ABHD12: variants seen among roughly 807,000 people sequenced by gnomAD.
ABHD12 encodes abhydrolase domain containing 12, lysophospholipase, also known as lysophosphatidylserine lipase ABHD12.
In ABHD12, 43 loss-of-function variants were observed where a neutral mutation model predicts 58.3. That is an observed-to-expected ratio of 0.74 (90% CI 0.58 to 0.95). The LOEUF (loss-of-function observed/expected upper bound fraction) is 0.95. Among genes scored for constraint, ABHD12 ranks in the 40% least tolerant of loss-of-function variants. ABHD12 has a pLI of 0.00. For synonymous variants in ABHD12, 219 were observed against 211.2 expected, an observed-to-expected ratio of 1.04 and a Z score of -0.32; for missense variants, 539 against 537.2, an observed-to-expected ratio of 1.00 and a Z score of -0.03.
intron 5 of ABHD12, among the ~76,000 whole-genome samples, chr20:25,316,160 CCTTT>C (rs374614290): frequency 6.0e-5 from 9 of 150,066 alleles, no homozygotes; most frequent in Non-Finnish European, 8.9e-5. Context: ...TTTCTCTTTT[CCTTT>C]TTTTTTGTTT....
At chr20:25,389,650 CTTTATA>C (rs1245353408) in intron 1 of ABHD12, among the ~76,000 whole-genome samples, 1 of 151,314 alleles carries the variant, frequency 6.6e-6, no homozygotes, top group African/African-American at 2.4e-5. Flanking sequence ...TTGAAAGTGG[CTTTATA>C]TAAACGCATT....
Position 25,309,520 on chromosome 20 carries a change from G to A in ABHD12, c.675C>T (p.Leu225=). The part of the protein sequence containing the change: ...PSERGMTYDA[L]HVFDWIKARS... ...TTGCTTTGATCCAGTCAAAAACGTG[G>A]AGTGCGTCATAGGTCATGCCCCGCT... Residue 225 remains leucine (L), a synonymous_variant, in exon 7 of 13, where the codon CTC becomes CTT. Transcript: ENST00000339157. The A allele has an allele frequency of 1.2e-6, 2 of 1,614,236 alleles. No individual in the cohort carries two copies. Among genetic ancestry groups the A allele is most frequent in the Non-Finnish European group, 1.7e-6 (2 of 1,180,030 alleles).
chr20:25,374,153 T>C (rs1042240477), intron 1 of ABHD12, among the ~76,000 whole-genome samples: 2 of 151,942 alleles, frequency 1.3e-5, no homozygotes, highest in African/African-American at 4.8e-5. Flanking sequence ...CTCAGATTCC[T>C]GGGCTCAAGT....
intron 1 of ABHD12, among the ~76,000 whole-genome samples, chr20:25,385,847 C>CCACA (rs1600890661): frequency 6.6e-6 from 1 of 151,894 alleles, no homozygotes; most frequent in Admixed American, 6.6e-5. Context: ...ACCTGTAATC[C>CCACA]CAGCACTTTC....
chr20:25,344,430 T>C (rs1168839314), intron 1 of ABHD12, among the ~76,000 whole-genome samples: 3 of 152,192 alleles, frequency 2.0e-5, no homozygotes, highest in Non-Finnish European at 4.4e-5. Context: ...CCATTTACAT[T>C]AGCAACCCCC....
chr20:25,305,076 AG>A (rs1440529601), intron 10 of ABHD12, among the ~76,000 whole-genome samples: 2 of 152,008 alleles, frequency 1.3e-5, no homozygotes, highest in East Asian at 3.9e-4. Context: ...TCACCATGTT[AG>A]GGTGATCTTG....
chr20:25,390,473 AC>A lies in ABHD12; in HGVS notation c.191+39del. The A allele has an allele frequency of 7.1e-6, 6 of 843,612 alleles. 1 individual carries two copies. Among genetic ancestry groups the A allele is most frequent in the Non-Finnish European group, 8.9e-6 (6 of 675,440 alleles). 52.3% of individuals were successfully genotyped at this position (843,612 alleles called of 1,614,324 possible). A position where few individuals can be genotyped will look rare whatever the true frequency, so the allele number is the denominator to read the frequency against. On this transcript the variant is annotated intron_variant, in intron 1 of 12. Transcript: ENST00000339157. ...GGGACGCACCTGCGCAAAGTGAGGG[AC>A]CGGCCCCCCCCCCCCCCCCGCTCCG...
At chr20:25,309,670 A>G in intron 6 of ABHD12, 95 bp from the exon 7 acceptor site, 3 of 1,573,094 alleles carry the variant, frequency 1.9e-6, no homozygotes, top group Non-Finnish European at 2.6e-6. Flanking sequence ...CCAGGAGGAG[A>G]CAGGGAGGGG....
At chr20:25,372,562 G>A (rs1310280177) in intron 1 of ABHD12, among the ~76,000 whole-genome samples, 1 of 152,124 alleles carries the variant, frequency 6.6e-6, no homozygotes. Context: ...AGATATTTGG[G>A]GTGGGAGGAA....
chr20:25,305,023 C>T (rs1310226480), intron 10 of ABHD12, among the ~76,000 whole-genome samples: 1 of 152,146 alleles, frequency 6.6e-6, no homozygotes, highest in Non-Finnish European at 1.5e-5. Context: ...CAGGCATGTG[C>T]CACCACACCT....
chr20:25,310,786 G>T (rs558562012), intron 6 of ABHD12, among the ~76,000 whole-genome samples: 11 of 152,156 alleles, frequency 7.2e-5, no homozygotes, highest in African/African-American at 2.4e-4. Flanking sequence ...AGAAGGATGC[G>T]GACAAAGAGG....
intron 6 of ABHD12, among the ~76,000 whole-genome samples, chr20:25,313,349 C>G (rs1282874178): frequency 1.1e-4 from 16 of 151,800 alleles, no homozygotes; most frequent in African/African-American, 3.9e-4. Context: ...AAGGGCGGTG[C>G]AAGATGTGCT....
chr20:25,381,140 T>C (rs567981712), intron 1 of ABHD12, among the ~76,000 whole-genome samples: 4 of 152,142 alleles, frequency 2.6e-5, no homozygotes, highest in Non-Finnish European at 5.9e-5. Context: ...CAGAGTGACA[T>C]GATGACACAC....
downstream of ABHD12, chr20:25,296,634 CCAT>C: frequency 7.2e-7 from 1 of 1,386,824 alleles, no homozygotes; most frequent in African/African-American, 1.4e-5. Context: ...TTTCTGAGTA[CCAT>C]GTTTCCAGGA....
intron 1 of ABHD12, among the ~76,000 whole-genome samples, chr20:25,368,027 G>C (rs1340734408): frequency 6.6e-6 from 1 of 152,126 alleles, no homozygotes; most frequent in Non-Finnish European, 1.5e-5. Context: ...AGTGTGCAAG[G>C]GTTCCAATTT....
At chr20:25,366,028 A>T (rs1208804196) in intron 1 of ABHD12, among the ~76,000 whole-genome samples, 1 of 152,180 alleles carries the variant, frequency 6.6e-6, no homozygotes, top group Non-Finnish European at 1.5e-5. Context: ...TGACATAGTA[A>T]GACCCTTAAA....
Position 25,308,642 on chromosome 20 carries a change from T to C in ABHD12, c.750-148A>G, listed in dbSNP as rs895986039. On this transcript the variant is annotated intron_variant, in intron 7 of 12. Coordinates refer to ENST00000339157, the MANE Select transcript of ABHD12 (RefSeq NM_001042472.3). Reference sequence around the variant, plus strand: ...AGAGTGGGGGAAATGGAGATCCCTCTAGCACTGGGGGTGACCTGGCTGCCC... The same window carrying C: ...AGAGTGGGGGAAATGGAGATCCCTCCAGCACTGGGGGTGACCTGGCTGCCC... 2.8e-5 allele frequency: 28 copies of C among 1,017,818 alleles called. No individual in the cohort carries two copies. The Admixed American group carries it at 5.2e-4, about 19-fold the overall frequency. 63.0% of individuals were successfully genotyped at this position (1,017,818 alleles called of 1,614,324 possible). A position where few individuals can be genotyped will look rare whatever the true frequency, so the allele number is the denominator to read the frequency against.
rs73345084 is a variant in ABHD12, at chr20:25,341,700, T to C, written c.192-2349A>G. ...GCTTCCATCACCAACTCTTTATTCTTGTTAGAGAAAAGAGCAGGGTCTGAC... is the reference window on the plus strand; with the variant it reads ...GCTTCCATCACCAACTCTTTATTCTCGTTAGAGAAAAGAGCAGGGTCTGAC... On this transcript the variant is annotated intron_variant, in intron 1 of 12. Transcript: ENST00000339157. 2.0e-3 allele frequency among the ~76,000 whole-genome samples: 301 copies of C among 152,222 alleles called. 1 individual carries two copies. Among genetic ancestry groups the C allele is most frequent in the African/African-American group, 7.1e-3 (295 of 41,532 alleles).
At chr20:25,355,482 G>GA (rs72531361) in intron 1 of ABHD12, among the ~76,000 whole-genome samples, 2 of 42,936 alleles carry the variant, frequency 4.7e-5, no homozygotes, top group Admixed American at 2.4e-4. Flanking sequence ...ATTTTCTTTG[G>GA]GAAATTTAAA....
Sources: allele counts gnomAD v4.1 joint callset (sites outside exome capture counted in the v4.1 genomes callset), GRCh38; gene constraint gnomAD v4.1.1; transcripts MANE v1.5; gene names NCBI Gene and HGNC (gene_info 2026-07-23, HGNC 2026-07-21).